DOCK1: variants seen among roughly 807,000 people sequenced by gnomAD.
The protein encoded by DOCK1 is dedicator of cytokinesis protein 1.
DOCK1 carries 138 observed loss-of-function variants against 262.7 expected under a neutral mutation model. That is an observed-to-expected ratio of 0.53 (90% CI 0.46 to 0.61). The LOEUF is 0.61. Among genes scored for constraint, DOCK1 ranks in the 20% least tolerant of loss-of-function variants. DOCK1 has a pLI of 0.00. For missense variants in DOCK1, 1,908 were observed against 2,370.7 expected, an observed-to-expected ratio of 0.80 and a Z score of 4.05; for synonymous variants, 866 against 867.4, an observed-to-expected ratio of 1.00 and a Z score of 0.03.
At chr10:127,027,457 A>G (rs1014784151) in intron 16 of DOCK1, among the ~76,000 whole-genome samples, 12 of 152,142 alleles carry the variant, frequency 7.9e-5, no homozygotes, top group Non-Finnish European at 5.9e-5. Flanking sequence ...GTGTGATGGT[A>G]TACCTGTAGT....
intron 29 of DOCK1, among the ~76,000 whole-genome samples, chr10:127,273,879 A>C (rs1329730346): frequency 9.3e-5 from 2 of 21,512 alleles, no homozygotes; most frequent in Non-Finnish European, 2.1e-4. Context: ...AGACTGTCTC[A>C]AAAAAAAAAA....
Position 127,418,557 on chromosome 10 carries a change from G to T in DOCK1, c.4692+16G>T. On this transcript the variant is annotated intron_variant, in intron 45 of 51. Transcript: ENST00000623213. ...CTACGAAAAGGTACGGGACCCACCA[G>T]CTTGCTCTGGGCAAGCAGTCCTGCC... is the stretch of plus-strand genomic sequence containing the variant. 1 of 1,607,558 alleles carries T rather than the reference G, an allele frequency of 6.2e-7. No individual in the cohort carries two copies. Among genetic ancestry groups the T allele is most frequent in the Non-Finnish European group, 8.5e-7 (1 of 1,177,302 alleles).
chr10:127,022,837 G>A (rs578201994), intron 13 of DOCK1, among the ~76,000 whole-genome samples: 15 of 152,298 alleles, frequency 9.8e-5, no homozygotes, highest in African/African-American at 2.4e-4. Context: ...TCAGACAGCC[G>A]TAGCCAGCCG....
rs762819351 is a variant in DOCK1 at position 127,106,341 on chromosome 10, G to T, written c.2516+40G>T. On this transcript the variant is annotated intron_variant, in intron 24 of 51. Transcript: ENST00000623213. ...CAGGCGAATGCTTGTCACGTGCCGT[G>T]TGTGACCTCCTTCTCAGTGTGCTTA... 4 of 1,563,990 alleles carry T rather than the reference G, an allele frequency of 2.6e-6. No individual in the cohort carries two copies. The African/African-American group carries it at 4.1e-5, about 16-fold the overall frequency.
chr10:127,196,606 G>A (rs1329895965), intron 27 of DOCK1, among the ~76,000 whole-genome samples: 6 of 146,932 alleles, frequency 4.1e-5, no homozygotes, highest in African/African-American at 1.2e-4. Context: ...CCCGCGGGGC[G>A]GAGGTGGGGC....
At chr10:126,979,112 A>G (rs966329021) in intron 3 of DOCK1, among the ~76,000 whole-genome samples, 4 of 152,174 alleles carry the variant, frequency 2.6e-5, no homozygotes, top group African/African-American at 9.6e-5. Context: ...GTCTCTACAC[A>G]TCAGTGACCT....
At chr10:126,949,043 A>C (rs1177871943) in intron 1 of DOCK1, among the ~76,000 whole-genome samples, 2 of 151,890 alleles carry the variant, frequency 1.3e-5, no homozygotes, top group East Asian at 3.9e-4. Context: ...TTCCCTGGCC[A>C]CCCTTCGGGA....
At chr10:126,918,858 C>T (rs1187006763) in intron 1 of DOCK1, among the ~76,000 whole-genome samples, 2 of 118,074 alleles carry the variant, frequency 1.7e-5, no homozygotes, top group Non-Finnish European at 3.8e-5. Context: ...GAAACCCCAA[C>T]GACTTGGTCT....
intron 33 of DOCK1, among the ~76,000 whole-genome samples, chr10:127,372,262 C>T (rs77316769): frequency 0.11 from 17,191 of 152,098 alleles, 1,435 homozygotes; most frequent in African/African-American, 0.24. Context: ...ATTTGGAGGC[C>T]CCTCCTTGGG....
rs893012659 is a variant in DOCK1 at position 127,176,525 on chromosome 10, C to T, written c.2847+48761C>T. Reference sequence around the variant, plus strand: ...CTAATTATATTTAAGCAGGTGAGGTCGGCCTTTATGTTAAGGAAAATCACA... The same window carrying T: ...CTAATTATATTTAAGCAGGTGAGGTTGGCCTTTATGTTAAGGAAAATCACA... On this transcript the variant is annotated intron_variant, in intron 27 of 51. Transcript: ENST00000623213. This position sits in a 1 kb window ranked among gnomAD's most constrained non-coding sequence, Gnocchi z 4.4. 1.0e-4 allele frequency: 79 copies of T among 781,748 alleles called. No homozygotes were observed. Among genetic ancestry groups the T allele is most frequent in the Non-Finnish European group, 1.3e-4 (67 of 497,994 alleles). The allele number at this position is 781,748 out of a possible 1,614,324, so 48.4% of individuals were successfully genotyped here.
intron 27 of DOCK1, among the ~76,000 whole-genome samples, chr10:127,208,586 A>C (rs1345609387): frequency 6.6e-6 from 1 of 152,218 alleles, no homozygotes; most frequent in Non-Finnish European, 1.5e-5. Flanking sequence ...ATCAATAATC[A>C]GTTGGTTATC....
intron 29 of DOCK1, among the ~76,000 whole-genome samples, chr10:127,271,376 A>G (rs1216444309): frequency 6.6e-6 from 1 of 152,230 alleles, no homozygotes; most frequent in Non-Finnish European, 1.5e-5. Flanking sequence ...TTGGAAATAA[A>G]GTTGAATAAT....
In DOCK1 at chr10:127,008,865, T is replaced by G; in HGVS notation, c.1058+61T>G. 9.7e-6 allele frequency: 13 copies of G among 1,339,264 alleles called. No homozygotes were observed. In the South Asian group the frequency reaches 1.6e-4, roughly 16 times the overall value. 83.0% of individuals were successfully genotyped at this position (1,339,264 alleles called of 1,614,324 possible). On this transcript the variant is annotated intron_variant, in intron 11 of 51. Transcript: ENST00000623213. ...TAATGTGGAAAACATAGGCTTGTAATAATTATCTTTATAATTAAATGGATA... is the reference window on the plus strand; with the variant it reads ...TAATGTGGAAAACATAGGCTTGTAAGAATTATCTTTATAATTAAATGGATA...
At chr10:127,123,970 G>A (rs1427821850) in intron 25 of DOCK1, among the ~76,000 whole-genome samples, 1 of 152,216 alleles carries the variant, frequency 6.6e-6, no homozygotes. Flanking sequence ...AAAACTTCTT[G>A]TAAAAATGGA....
At chr10:127,353,343 G>C (rs906347996) in intron 31 of DOCK1, among the ~76,000 whole-genome samples, 30 of 152,270 alleles carry the variant, frequency 2.0e-4, no homozygotes, top group African/African-American at 6.7e-4. Context: ...AAATGGGAAT[G>C]GGGGAGCCAG....
chr10:126,992,775 GAC>G (rs796635231), intron 6 of DOCK1, among the ~76,000 whole-genome samples: 3 of 134,986 alleles, frequency 2.2e-5, no homozygotes, highest in African/African-American at 2.6e-5. Flanking sequence ...GACAGACACA[GAC>G]ACACACACAC....
intron 23 of DOCK1, among the ~76,000 whole-genome samples, chr10:127,099,354 C>T (rs1223395980): frequency 6.6e-6 from 1 of 152,090 alleles, no homozygotes; most frequent in African/African-American, 2.4e-5. Context: ...ACAAATTGAC[C>T]TTCCATTGCA....
Position 127,217,564 on chromosome 10 carries a change from T to A in DOCK1, c.2848-30444T>A, listed in dbSNP as rs180756194. Among the ~76,000 whole-genome samples, 131 of 152,354 alleles carry A rather than the reference T, an allele frequency of 8.6e-4. 1 individual carries two copies. Among genetic ancestry groups the A allele is most frequent in the Admixed American group, 7.5e-3 (114 of 15,302 alleles). On this transcript the variant is annotated intron_variant, in intron 27 of 51. Coordinates refer to ENST00000623213, the MANE Select transcript of DOCK1 (RefSeq NM_001290223.2). ...TTTGAGTTCACTTAACAGTTTCTTA[T>A]CTGTTTGCAGAACCACATGGAAGTA... is the stretch of plus-strand genomic sequence containing the variant.
At chr10:127,341,213 A>G (rs2063410859) in intron 30 of DOCK1, among the ~76,000 whole-genome samples, 2 of 152,208 alleles carry the variant, frequency 1.3e-5, no homozygotes, top group South Asian at 4.1e-4. Context: ...TCTTTCCCCA[A>G]TGATTGGAAA....
Sources: gnomAD v4.1 joint callset for allele counts (sites outside exome capture counted in the v4.1 genomes callset) on GRCh38, gnomAD v4.1.1 for gene constraint, Gnocchi (gnomAD v3.1) non-coding constraint, MANE v1.5 for transcripts, NCBI Gene and HGNC (gene_info 2026-07-23, HGNC 2026-07-21) for gene names.